The following TTC21B variants were observed in gnomAD, a reference collection of about 807,000 sequenced individuals.
TTC21B encodes tetratricopeptide repeat protein 21B.
A neutral mutation model predicts 175.1 loss-of-function variants in TTC21B; 127 were observed. That is an observed-to-expected ratio of 0.73 (90% confidence interval 0.63 to 0.84). The LOEUF is 0.84. TTC21B is among the 40% of genes least tolerant of loss of function. TTC21B has a pLI of 0.00. For synonymous variants in TTC21B, 524 were observed against 524.5 expected (o/e 1.00, Z 0.01); for missense variants, 1,561 against 1,558.3 (o/e 1.00, Z -0.03).
At chr2:165,900,951 T>C (rs114323063) in intron 20 of TTC21B, among the ~76,000 whole-genome samples, 265 of 151,518 alleles carry the variant, frequency 1.7e-3, no homozygotes, top group African/African-American at 6.2e-3. Flanking sequence ...ACCCAGGCTG[T>C]AGTACAGTGG....
At position 165,898,575 on chromosome 2, in the gene TTC21B, T is replaced by A. The variant is rs140042714; in HGVS notation, c.2950+111A>T. On this transcript the variant is annotated intron_variant, in intron 22 of 28. Transcript: ENST00000243344. ...GCCCATGTGTGGAATAAACAGACAG[T>A]CTGATTCAACTAGGGACGGAGTTTG... 6.1e-4 allele frequency: 458 copies of A among 756,824 alleles called. No individual in the cohort carries two copies. In the African/African-American group the frequency reaches 7.3e-3, roughly 12 times the overall value. The allele number at this position is 756,824 out of a possible 1,614,324, so 46.9% of individuals were successfully genotyped here. A position where few individuals can be genotyped will look rare whatever the true frequency, so the allele number is the denominator to read the frequency against.
intron 10 of TTC21B, 139 bp downstream of exon 10, chr2:165,929,511 G>A: frequency 1.1e-6 from 1 of 887,584 alleles, no homozygotes. Flanking sequence ...GTTTTGAATG[G>A]AGGTAAATAA....
intron 3 of TTC21B, 173 bp downstream of exon 3, chr2:165,949,221 T>C: frequency 1.6e-6 from 1 of 630,916 alleles, no homozygotes; most frequent in Middle Eastern, 4.3e-4. Context: ...TAAGACACAT[T>C]TCTTGTGCCT....
intron 24 of TTC21B, among the ~76,000 whole-genome samples, chr2:165,889,116 C>T (rs1421253362): frequency 6.6e-6 from 1 of 152,112 alleles, no homozygotes; most frequent in Non-Finnish European, 1.5e-5. Flanking sequence ...ATTTTATACA[C>T]ACAAACCCAT....
At chr2:165,920,151 C>G (rs559089438) in intron 12 of TTC21B, among the ~76,000 whole-genome samples, 1 of 152,252 alleles carries the variant, frequency 6.6e-6, no homozygotes, top group East Asian at 1.9e-4. Context: ...GTAACCCGCA[C>G]TGATCTGCAC....
chr2:165,936,784 C>T (rs1012549031), intron 6 of TTC21B, among the ~76,000 whole-genome samples: 1 of 152,012 alleles, frequency 6.6e-6, no homozygotes, highest in Non-Finnish European at 1.5e-5. Context: ...AAATCCAGAA[C>T]ACTGGCAACA....
chr2:165,930,235 C>T lies in TTC21B; in HGVS notation c.1024G>A (p.Glu342Lys). 1.9e-6 allele frequency: 3 copies of T among 1,613,312 alleles called. No individual in the cohort carries two copies. The highest frequency in any genetic ancestry group is 2.5e-6 in the Non-Finnish European group (3 of 1,179,490). ...YQMILQGRVK[E>K]ALKWYKTAMT... ...GCGGTCTTATACCACTTCAGTGCCT[C>T]TTTAACTCTTCCTTGTAAAATCATT... Residue 342 changes from glutamate (E) to lysine (K), a missense_variant, in exon 9 of 29, where the codon GAG becomes AAG. Physicochemically the swap from Glu to Lys is moderately conservative, Grantham distance 56. Transcript: ENST00000243344.
intron 16 of TTC21B, among the ~76,000 whole-genome samples, chr2:165,913,364 G>T (rs1686026875): frequency 6.6e-6 from 1 of 152,002 alleles, no homozygotes; most frequent in African/African-American, 2.4e-5. Context: ...TGAATTACTG[G>T]ATCTCAACTT....
chr2:165,929,756 A>T lies in TTC21B; in HGVS notation c.1088-9T>A. 1.3e-6 allele frequency: 2 copies of T among 1,591,002 alleles called. No individual in the cohort carries two copies. The highest frequency in any genetic ancestry group is 2.7e-5 in the African/African-American group (2 of 74,508). ...CTGACATTGGATAAATCCTAAAATC[A>T]AACAGCAGAAAGACAGTCAAAGTCC... On this transcript the variant is annotated splice_polypyrimidine_tract_variant and intron_variant, in intron 9 of 28. Transcript: ENST00000243344.
At chr2:165,952,414 T>C (rs908983170) in intron 1 of TTC21B, among the ~76,000 whole-genome samples, 15 of 152,336 alleles carry the variant, frequency 9.8e-5, no homozygotes, top group African/African-American at 3.1e-4. Context: ...CTAAAATGTG[T>C]ACTATCTGGC....
chr2:165,936,129 G>C (rs894140395), intron 6 of TTC21B, among the ~76,000 whole-genome samples: 1 of 152,046 alleles, frequency 6.6e-6, no homozygotes, highest in African/African-American at 2.4e-5. Context: ...CAGGTCAATG[G>C]AACAGGGTGG....
At chr2:165,890,749 A>T (rs575847858) in intron 23 of TTC21B, 89 bp downstream of exon 23, 4 of 1,517,538 alleles carry the variant, frequency 2.6e-6, no homozygotes, top group African/African-American at 2.8e-5. Flanking sequence ...TGAAATGTAC[A>T]TTTTTTTTTA....
intron 27 of TTC21B, among the ~76,000 whole-genome samples, chr2:165,879,251 A>G (rs926327918): frequency 6.6e-6 from 1 of 152,234 alleles, no homozygotes; most frequent in African/African-American, 2.4e-5. Context: ...ATATATAAAT[A>G]ATTTAACTTC....
Position 165,953,651 on chromosome 2 carries a change from G to GCCCGCCCGCCCGCTCA in TTC21B, c.21+33_21+34insTGAGCGGGCGGGCGGG, listed in dbSNP as rs569432248. The GCCCGCCCGCCCGCTCA allele has an allele frequency of 4.2e-5, 64 of 1,512,146 alleles. No homozygotes were observed. The East Asian group carries it at 4.5e-4, about 11-fold the overall frequency. The allele number at this position is 1,512,146 out of a possible 1,614,324, so 93.7% of individuals were successfully genotyped here. On this transcript the variant is annotated intron_variant, in intron 1 of 28. Coordinates refer to ENST00000243344, the MANE Select transcript of TTC21B (RefSeq NM_024753.5). Reference sequence around the variant, plus strand: ...GGCCGCAAAGGAACTCCGCCCGCCCGCCCGCTCACCCGCTCACCCGCTCAC... The same window carrying GCCCGCCCGCCCGCTCA: ...GGCCGCAAAGGAACTCCGCCCGCCCGCCCGCCCGCCCGCTCACCCGCTCACCCGCTCACCCGCTCAC...
chr2:165,934,517 A>AAAAAAAAAAAG (rs1553514802), intron 6 of TTC21B, among the ~76,000 whole-genome samples: 5 of 116,582 alleles, frequency 4.3e-5, no homozygotes, highest in African/African-American at 1.6e-4. Flanking sequence ...AAAAAAAAAA[A>AAAAAAAAAAAG]AAAAGAAAAG....
chr2:165,894,099 T>A (rs1046904126), intron 22 of TTC21B, among the ~76,000 whole-genome samples: 4 of 152,054 alleles, frequency 2.6e-5, no homozygotes, highest in African/African-American at 9.7e-5. Context: ...CTGCACTAGT[T>A]CAGATGAGAG....
intron 22 of TTC21B, among the ~76,000 whole-genome samples, chr2:165,894,576 AT>A (rs1012134131): frequency 2.6e-5 from 4 of 152,152 alleles, no homozygotes; most frequent in African/African-American, 9.7e-5. Flanking sequence ...TTTACTTAAA[AT>A]TTTGTGGTTG....
chr2:165,951,251 T>C (rs890442091), intron 1 of TTC21B, among the ~76,000 whole-genome samples: 1 of 152,200 alleles, frequency 6.6e-6, no homozygotes, highest in Admixed American at 6.5e-5. Flanking sequence ...GGCAGTGGCA[T>C]AGCACCATAA....
rs1235099481 is a variant in TTC21B, at chr2:165,883,925, T to G, written c.3553A>C (p.Lys1185Gln). 1 of 1,614,184 alleles carries G rather than the reference T, an allele frequency of 6.2e-7. No individual in the cohort carries two copies. The highest frequency in any genetic ancestry group is 1.1e-5 in the South Asian group (1 of 91,090). Residue 1185 changes from lysine to glutamine, a missense_variant, in exon 26 of 29, where the codon AAA becomes CAA. Physicochemically the swap from Lys to Gln is moderately conservative, Grantham distance 53. Transcript: ENST00000243344. ...RARNQLKRIAKMNWNAIDAEE... is the reference protein window; with the variant it reads ...RARNQLKRIAQMNWNAIDAEE... Reference sequence around the variant, plus strand: ...GCATCAATAGCATTCCAATTCATTTTCGCAATACGCTTCAGCTGGTTTCTG... The same window carrying G: ...GCATCAATAGCATTCCAATTCATTTGCGCAATACGCTTCAGCTGGTTTCTG...
Sources: gnomAD v4.1 joint callset for allele counts (sites outside exome capture counted in the v4.1 genomes callset) on GRCh38, gnomAD v4.1.1 for gene constraint, MANE v1.5 for transcripts, NCBI Gene and HGNC (gene_info 2026-07-23, HGNC 2026-07-21) for gene names.